DMXL1: variants seen among roughly 807,000 people sequenced by gnomAD.
The protein encoded by DMXL1 is dmX-like protein 1.
Under a neutral mutation model 319.2 loss-of-function variants are expected in DMXL1, and 99 were observed. The observed-to-expected ratio is 0.31, with a 90% CI of 0.26 to 0.37. The LOEUF is 0.37. Among genes scored for constraint, DMXL1 ranks in the 10% least tolerant of loss-of-function variants. The pLI, the probability that DMXL1 is intolerant of heterozygous loss-of-function variation, is 1.00. For synonymous variants in DMXL1, 1,385 were observed against 1,235.2 expected (o/e 1.12, Z -2.54); for missense variants, 3,745 against 3,595.6 (o/e 1.04, Z -1.06).
chr5:119,140,306 C>G (rs976597920), intron 13 of DMXL1, among the ~76,000 whole-genome samples: 1 of 152,070 alleles, frequency 6.6e-6, no homozygotes, highest in African/African-American at 2.4e-5. Context: ...ACACAAAATA[C>G]CATTCAAAAG....
In DMXL1 at chr5:119,171,796, T is replaced by A; in HGVS notation, c.6508T>A (p.Phe2170Ile). Reference sequence around the variant, plus strand: ...TTTTAAGGAAACATCAGAACCACTATTTTCTAGCCCTCTGTCAGAGCAAAC... The same window carrying A: ...TTTTAAGGAAACATCAGAACCACTAATTTCTAGCCCTCTGTCAGAGCAAAC... ...ESQQETSEPL[F>I]SSPLSEQTSV... The change falls in exon 25 of 44, where the codon TTT (phenylalanine) becomes ATT (isoleucine). Residue 2170 changes from phenylalanine (F) to isoleucine (I), a missense_variant. Coordinates refer to ENST00000539542, the MANE Select transcript of DMXL1 (RefSeq NM_001290321.3). The A allele has an allele frequency of 3.7e-6, 6 of 1,611,418 alleles. No homozygotes were observed. Among genetic ancestry groups the A allele is most frequent in the Non-Finnish European group, 5.1e-6 (6 of 1,178,894 alleles).
Position 119,110,393 on chromosome 5 carries a change from T to TAAA in DMXL1, c.497+110_497+111insAAA, listed in dbSNP as rs1759305743. ...ACACTGACATAAAAAGTATTGATTT[T>TAAA]TAGTCTATGATATGCTTTTTCTTAT... On this transcript the variant is annotated intron_variant, in intron 5 of 43. Transcript: ENST00000539542. 29 of 1,018,324 alleles carry TAAA rather than the reference T, an allele frequency of 2.8e-5. No individual in the cohort carries two copies. The East Asian group carries it at 8.3e-4, about 29-fold the overall frequency. 63.1% of individuals were successfully genotyped at this position (1,018,324 alleles called of 1,614,324 possible).
At chr5:119,139,758 A>G (rs1766872232) in intron 13 of DMXL1, among the ~76,000 whole-genome samples, 1 of 152,172 alleles carries the variant, frequency 6.6e-6, no homozygotes, top group South Asian at 2.1e-4. Flanking sequence ...CCTGAACTCA[A>G]CATTGGACCA....
rs1404234956 is a variant in DMXL1, at chr5:119,149,879, A to T, written c.4052A>T (p.Lys1351Met). The T allele has an allele frequency of 6.2e-7, 1 of 1,613,878 alleles. No individual in the cohort carries two copies. Among genetic ancestry groups the T allele is most frequent in the Non-Finnish European group, 8.5e-7 (1 of 1,179,904 alleles). ...RAKAILSHLV[K>M]CIAGEVVALN... Reference sequence around the variant, plus strand: ...AAGGCCATCTTGTCCCATCTTGTTAAGTGCATTGCTGGGGAAGTTGTGGCT... The same window carrying T: ...AAGGCCATCTTGTCCCATCTTGTTATGTGCATTGCTGGGGAAGTTGTGGCT... Residue 1351 changes from lysine to methionine, a missense_variant, in exon 18 of 44, where the codon AAG (lysine) becomes ATG (methionine). Around this residue, in one of 4 missense-constraint regions of DMXL1, gnomAD observed 2,096 missense variants for 1,985.4 expected, o/e 1.06. Transcript: ENST00000539542.
rs77598251 is a variant in DMXL1 at position 119,114,664 on chromosome 5, T to C, written c.564+123T>C. 8.2e-3 allele frequency: 5,963 copies of C among 729,654 alleles called. 258 individuals are homozygous for C. The African/African-American group carries it at 0.095, about 12-fold the overall frequency. 45.2% of individuals were successfully genotyped at this position (729,654 alleles called of 1,614,324 possible). On this transcript the variant is annotated intron_variant, in intron 6 of 43. Coordinates refer to ENST00000539542, the MANE Select transcript of DMXL1 (RefSeq NM_001290321.3). ...GAAAATAATAGTTTCCATTAAAAATTGTTTTTTTTGTTTGTTTGTTTTGTG... is the reference window on the plus strand; with the variant it reads ...GAAAATAATAGTTTCCATTAAAAATCGTTTTTTTTGTTTGTTTGTTTTGTG...
At position 119,220,567 on chromosome 5, in the gene DMXL1, T is replaced by C; in HGVS notation, c.8109T>C (p.Asp2703=). ...CCACACAGGTCTACACTTGGGTAGA[T>C]GATGATATAGAAGTGGAAACCAAAG... is the stretch of plus-strand genomic sequence containing the variant. ...ILATQVYTWV[D]DDIEVETKGS... The change falls in exon 36 of 44, where the codon GAT becomes GAC. Residue 2703 remains aspartate (D), a synonymous_variant. Coordinates refer to ENST00000539542, the MANE Select transcript of DMXL1 (RefSeq NM_001290321.3). 1 of 1,613,846 alleles carries C rather than the reference T, an allele frequency of 6.2e-7. No homozygotes were observed. Among genetic ancestry groups the C allele is most frequent in the Non-Finnish European group, 8.5e-7 (1 of 1,179,852 alleles).
At chr5:119,112,694 C>T (rs541970895) in intron 5 of DMXL1, among the ~76,000 whole-genome samples, 4 of 152,246 alleles carry the variant, frequency 2.6e-5, no homozygotes, top group Admixed American at 6.5e-5. Flanking sequence ...CGGTGGCTCA[C>T]GCCTGTAATC....
chr5:119,192,964 C>T (rs1017856093), intron 29 of DMXL1, among the ~76,000 whole-genome samples: 1 of 152,168 alleles, frequency 6.6e-6, no homozygotes, highest in Non-Finnish European at 1.5e-5. Context: ...CCAAATCTAT[C>T]AGCAGACCTG....
At chr5:119,094,369 C>T (rs1266555565) in intron 1 of DMXL1, among the ~76,000 whole-genome samples, 3 of 152,192 alleles carry the variant, frequency 2.0e-5, no homozygotes, top group South Asian at 2.1e-4. Flanking sequence ...CAACAAAGCC[C>T]GGATGACAGC....
In DMXL1 at chr5:119,150,440, C is replaced by G. The variant is rs374325209; in HGVS notation, c.4594+19C>G. ...AGCCAAGGTAAAACTAAACTCCGTA[C>G]TGATAACATTTTTACTTACTTTCAC... On this transcript the variant is annotated intron_variant, in intron 18 of 43. Transcript: ENST00000539542. The G allele has an allele frequency of 1.7e-5, 26 of 1,563,808 alleles. No individual in the cohort carries two copies. The highest frequency in any genetic ancestry group is 6.3e-5 in the Admixed American group (3 of 47,340).
At chr5:119,192,520 A>G (rs62375065) in intron 29 of DMXL1, among the ~76,000 whole-genome samples, 12 of 152,080 alleles carry the variant, frequency 7.9e-5, no homozygotes, top group Non-Finnish European at 1.3e-4. Flanking sequence ...TTCCCCTTTC[A>G]TACTTACTTA....
At chr5:119,237,235 CAAA>C (rs1787924909) in intron 39 of DMXL1, 84 bp from the exon 40 acceptor site, 1 of 694,326 alleles carries the variant, frequency 1.4e-6, no homozygotes, top group East Asian at 3.0e-5. Context: ...GTTTACGAGT[CAAA>C]ATATGGGTGT....
Position 119,182,046 on chromosome 5 carries a change from G to A in DMXL1, c.7135+3802G>A, listed in dbSNP as rs536175574. 2.4e-4 allele frequency among the ~76,000 whole-genome samples: 36 copies of A among 152,214 alleles called. No individual in the cohort carries two copies. The South Asian group carries it at 7.2e-3, about 31-fold the overall frequency. The stretch of plus-strand genomic sequence containing the variant: ...TATTATGTTGCCCTGAAAACTTACC[G>A]AGGCAGGACAGCAACCTGATAAATT... On this transcript the variant is annotated intron_variant, in intron 28 of 43. Transcript: ENST00000539542.
intron 9 of DMXL1, among the ~76,000 whole-genome samples, chr5:119,124,360 T>C (rs1763009385): frequency 6.6e-6 from 1 of 151,690 alleles, no homozygotes; most frequent in South Asian, 2.1e-4. Flanking sequence ...GAACAAATGC[T>C]TTTTTAGCTG....
At chr5:119,245,537 G>C (rs1161501484) in intron 43 of DMXL1, among the ~76,000 whole-genome samples, 1 of 150,212 alleles carries the variant, frequency 6.7e-6, no homozygotes, top group African/African-American at 2.4e-5. Flanking sequence ...TAGTTAAGTC[G>C]GTTCTTTTTT....
intron 34 of DMXL1, among the ~76,000 whole-genome samples, chr5:119,207,802 G>A (rs1435896304): frequency 6.6e-6 from 1 of 152,156 alleles, no homozygotes; most frequent in East Asian, 1.9e-4. Context: ...GATTACAGGC[G>A]TGAGCCACCG....
intron 43 of DMXL1, among the ~76,000 whole-genome samples, chr5:119,245,536 C>T (rs908871581): frequency 6.7e-5 from 10 of 149,384 alleles, no homozygotes; most frequent in Non-Finnish European, 1.2e-4. Context: ...ATAGTTAAGT[C>T]GGTTCTTTTT....
intron 1 of DMXL1, among the ~76,000 whole-genome samples, chr5:119,094,927 C>A (rs111880308): frequency 0.03 from 4,463 of 150,346 alleles, 201 homozygotes; most frequent in African/African-American, 0.1. Context: ...TGTAGTGATG[C>A]TCACCACAGC....
At chr5:119,159,280 A>G (rs1771750484) in intron 19 of DMXL1, among the ~76,000 whole-genome samples, 3 of 152,068 alleles carry the variant, frequency 2.0e-5, no homozygotes, top group Admixed American at 1.3e-4. Flanking sequence ...TATTTTTAGT[A>G]GAGACAGAGT....
Sources: allele counts gnomAD v4.1 joint callset (sites outside exome capture counted in the v4.1 genomes callset), GRCh38; gene constraint gnomAD v4.1.1; regional missense constraint gnomAD v4.1.1; transcripts MANE v1.5; gene names NCBI Gene and HGNC (gene_info 2026-07-23, HGNC 2026-07-21).